Variants in FAM78B observed in about 807,000 individuals in gnomAD.
FAM78B encodes family with sequence similarity 78 member B, also known as protein FAM78B.
FAM78B carries 10 observed loss-of-function variants against 20.0 expected under a neutral mutation model. The observed-to-expected ratio is 0.50, with a 90% CI of 0.31 to 0.85. FAM78B has a LOEUF of 0.85. Ranked by LOEUF, FAM78B falls within the 40% of genes least tolerant of loss-of-function variation. The pLI is 0.05. For missense variants in FAM78B, 283 were observed against 345.0 expected, an observed-to-expected ratio of 0.82 and a Z score of 1.42; for synonymous variants, 135 against 132.8, an observed-to-expected ratio of 1.02 and a Z score of -0.12.
At chr1:166,148,334 G>A (rs944472670) in intron 1 of FAM78B, among the ~76,000 whole-genome samples, 14 of 152,308 alleles carry the variant, frequency 9.2e-5, no homozygotes, top group African/African-American at 3.4e-4. Flanking sequence ...CAGAATCTGA[G>A]GTTCCTTTTT....
At chr1:166,138,450 C>T (rs2101786412) in intron 1 of FAM78B, among the ~76,000 whole-genome samples, 1 of 152,256 alleles carries the variant, frequency 6.6e-6, no homozygotes, top group South Asian at 2.1e-4. Context: ...GGTGCCTTTT[C>T]ATAAGAACAG....
In FAM78B at chr1:166,092,688, A is replaced by G. The variant is rs76790523; in HGVS notation, c.264-21925T>C. ...GTGACCCGAGGGCGTGGGCTCCCCA[A>G]TATGAATTTTGTGTATACAGCACAG... On this transcript the variant is annotated intron_variant, in intron 1 of 1. Transcript: ENST00000354422. Among the ~76,000 whole-genome samples the G allele has an allele frequency of 2.6e-4, 40 of 152,292 alleles. 1 individual carries two copies. The highest frequency in any genetic ancestry group is 4.7e-4 in the Non-Finnish European group (32 of 68,032).
intron 1 of FAM78B, among the ~76,000 whole-genome samples, chr1:166,090,397 C>G (rs922312273): frequency 3.3e-5 from 5 of 152,128 alleles, no homozygotes; most frequent in Non-Finnish European, 5.9e-5. Context: ...GAAACTGAAC[C>G]CTTACTCAAC....
chr1:166,085,106 A>G (rs1652773088), intron 1 of FAM78B, among the ~76,000 whole-genome samples: 1 of 152,104 alleles, frequency 6.6e-6, no homozygotes, highest in African/African-American at 2.4e-5. Flanking sequence ...TCCGCCATTT[A>G]CCCTGTCTTG....
At chr1:166,093,959 G>A (rs1653173423) in intron 1 of FAM78B, among the ~76,000 whole-genome samples, 1 of 151,006 alleles carries the variant, frequency 6.6e-6, no homozygotes, top group African/African-American at 2.4e-5. Context: ...GCAGGGTGGG[G>A]GTATGGGGGA....
At chr1:166,114,199 A>C (rs1297959525) in intron 1 of FAM78B, among the ~76,000 whole-genome samples, 1 of 152,212 alleles carries the variant, frequency 6.6e-6, no homozygotes, top group Non-Finnish European at 1.5e-5. Context: ...TTGAGGTGCT[A>C]ACACATGCAT....
intron 1 of FAM78B, among the ~76,000 whole-genome samples, chr1:166,132,144 ATAAAG>A (rs552436849): frequency 2.0e-4 from 31 of 152,386 alleles, no homozygotes; most frequent in Admixed American, 1.2e-3. Context: ...TCATCATAAA[ATAAAG>A]TAAATATGAC....
chr1:166,117,691 C>T (rs376682765), intron 1 of FAM78B, among the ~76,000 whole-genome samples: 158 of 152,294 alleles, frequency 1.0e-3, no homozygotes, highest in African/African-American at 3.5e-3. Flanking sequence ...CACTGGAGGT[C>T]TCACTGGTCT....
chr1:166,146,345 T>C (rs1050383212), intron 1 of FAM78B, among the ~76,000 whole-genome samples: 1 of 152,214 alleles, frequency 6.6e-6, no homozygotes, highest in African/African-American at 2.4e-5. Flanking sequence ...TCTTCTATGT[T>C]GAATCAAACT....
intron 1 of FAM78B, among the ~76,000 whole-genome samples, chr1:166,162,293 G>A (rs1256300918): frequency 6.6e-6 from 1 of 152,234 alleles, no homozygotes; most frequent in Admixed American, 6.5e-5. Context: ...AGGAGGAGTA[G>A]AGGGACAGGC....
intron 1 of FAM78B, among the ~76,000 whole-genome samples, chr1:166,160,092 T>C (rs142060559): frequency 3.3e-5 from 5 of 152,290 alleles, no homozygotes; most frequent in South Asian, 2.1e-4. Flanking sequence ...AGAATGGGTA[T>C]TGGTCAAGTG....
intron 1 of FAM78B, among the ~76,000 whole-genome samples, chr1:166,144,163 A>T (rs1272285691): frequency 2.0e-5 from 3 of 152,136 alleles, no homozygotes; most frequent in Non-Finnish European, 2.9e-5. Context: ...GCCCACTTCA[A>T]TTATTTAGGA....
chr1:166,139,553 A>G (rs1199917291), intron 1 of FAM78B, among the ~76,000 whole-genome samples: 3 of 152,140 alleles, frequency 2.0e-5, no homozygotes, highest in East Asian at 1.9e-4. Flanking sequence ...ACAGAGAAGG[A>G]GCCCATAAGG....
chr1:166,152,596 C>T (rs113678885), intron 1 of FAM78B, among the ~76,000 whole-genome samples: 1,684 of 152,238 alleles, frequency 0.011, 32 homozygotes, highest in African/African-American at 0.037. Context: ...CCCCTTTAAC[C>T]TGTGCCCTCT....
At chr1:166,086,924 C>T (rs1380182901) in intron 1 of FAM78B, among the ~76,000 whole-genome samples, 4 of 152,128 alleles carry the variant, frequency 2.6e-5, no homozygotes, top group Non-Finnish European at 5.9e-5. Flanking sequence ...AAATGTTCCC[C>T]CAGTGTGGCT....
At chr1:166,056,899 G>A (rs6657496), downstream of FAM78B, among the ~76,000 whole-genome samples, 34,151 of 152,050 alleles carry the variant, frequency 0.22, 4,532 homozygotes, top group Middle Eastern at 0.31. Flanking sequence ...ATTAGGGGGT[G>A]GGGCTTTTGG....
exon 3 of FAM78B, chr1:166,059,946 C>T (rs2101940346): frequency 6.6e-6 from 1 of 152,526 alleles, no homozygotes; most frequent in East Asian, 1.9e-4. Context: ...CAAATAAATA[C>T]ATCAGTAAGC....
At chr1:166,131,282 A>G (rs1275736744) in intron 1 of FAM78B, among the ~76,000 whole-genome samples, 1 of 152,114 alleles carries the variant, frequency 6.6e-6, no homozygotes, top group Non-Finnish European at 1.5e-5. Flanking sequence ...GTGAGCCACA[A>G]GAGTGAGCCA....
chr1:166,107,791 C>T (rs1007606221), intron 1 of FAM78B, among the ~76,000 whole-genome samples: 7 of 152,054 alleles, frequency 4.6e-5, no homozygotes, highest in African/African-American at 7.2e-5. Flanking sequence ...AGAGATAATC[C>T]GTGATGATCA....
Sources: gnomAD v4.1 joint callset for allele counts (sites outside exome capture counted in the v4.1 genomes callset) on GRCh38, gnomAD v4.1.1 for gene constraint, MANE v1.5 for transcripts, NCBI Gene and HGNC (gene_info 2026-07-23, HGNC 2026-07-21) for gene names.